CACNA2D3: variants seen among roughly 807,000 people sequenced by gnomAD.
CACNA2D3 encodes the protein voltage-dependent calcium channel subunit alpha-2/delta-3.
In CACNA2D3, 60 loss-of-function variants were observed where a neutral mutation model predicts 160.6. The observed-to-expected ratio is 0.37, with a 90% CI of 0.30 to 0.46. CACNA2D3 has a LOEUF of 0.46. Among genes scored for constraint, CACNA2D3 ranks in the 20% least tolerant of loss-of-function variants. The pLI is 1.00. For synonymous variants in CACNA2D3, 558 were observed against 492.9 expected (o/e 1.13, Z -1.75); for missense variants, 1,205 against 1,365.0 (o/e 0.88, Z 1.85).
chr3:54,602,774 T>G (rs1461930440), intron 9 of CACNA2D3, among the ~76,000 whole-genome samples: 3 of 152,182 alleles, frequency 2.0e-5, no homozygotes, highest in Admixed American at 1.3e-4. Flanking sequence ...AGACTGAATT[T>G]TAGGGCAGCC....
intron 35 of CACNA2D3, among the ~76,000 whole-genome samples, chr3:55,037,220 C>G (rs1703840925): frequency 6.6e-6 from 1 of 152,202 alleles, no homozygotes; most frequent in African/African-American, 2.4e-5. Context: ...TTGCACTCCT[C>G]CCTCTCCAGA....
chr3:54,938,422 G>A (rs1009864204), intron 27 of CACNA2D3, among the ~76,000 whole-genome samples: 3 of 152,192 alleles, frequency 2.0e-5, no homozygotes, highest in Non-Finnish European at 4.4e-5. Flanking sequence ...GCTTGAAGCA[G>A]ACAGTATTAG....
intron 9 of CACNA2D3, among the ~76,000 whole-genome samples, chr3:54,584,093 C>T (rs564420958): frequency 5.5e-4 from 83 of 151,978 alleles, no homozygotes; most frequent in African/African-American, 1.4e-3. Context: ...CTTCTCCTAC[C>T]GAGAATGACT....
intron 5 of CACNA2D3, among the ~76,000 whole-genome samples, chr3:54,526,183 A>G (rs1033205013): frequency 5.9e-5 from 9 of 151,754 alleles, no homozygotes; most frequent in African/African-American, 1.5e-4. Flanking sequence ...TATAATTTCT[A>G]TCTTTTTATT....
intron 2 of CACNA2D3, among the ~76,000 whole-genome samples, chr3:54,138,965 G>C (rs1393500716): frequency 6.6e-6 from 1 of 152,204 alleles, no homozygotes; most frequent in Non-Finnish European, 1.5e-5. Flanking sequence ...GGATGTGGTT[G>C]GACCAGAGAG....
intron 2 of CACNA2D3, among the ~76,000 whole-genome samples, chr3:54,245,848 TAA>T (rs1432326549): frequency 6.6e-6 from 1 of 152,220 alleles, no homozygotes; most frequent in East Asian, 1.9e-4. Flanking sequence ...TGATTACTTT[TAA>T]AAGAGTGTAT....
intron 14 of CACNA2D3, among the ~76,000 whole-genome samples, chr3:54,821,922 G>T (rs1703613085): frequency 6.6e-6 from 1 of 152,066 alleles, no homozygotes; most frequent in South Asian, 2.1e-4. Flanking sequence ...TTGAAAGTTT[G>T]CAAAGCTGCT....
intron 8 of CACNA2D3, among the ~76,000 whole-genome samples, chr3:54,573,587 C>T (rs190642020): frequency 3.3e-5 from 5 of 152,278 alleles, no homozygotes; most frequent in African/African-American, 7.2e-5. Context: ...GAGTGCAGTG[C>T]GTACAGTGCA....
At chr3:54,282,000 G>A (rs1269612990) in intron 2 of CACNA2D3, among the ~76,000 whole-genome samples, 2 of 152,204 alleles carry the variant, frequency 1.3e-5, no homozygotes, top group African/African-American at 2.4e-5. Context: ...TATTGCTTAA[G>A]TGGTCTCAGC....
chr3:54,255,004 C>G (rs78667018), intron 2 of CACNA2D3, among the ~76,000 whole-genome samples: 3,678 of 152,316 alleles, frequency 0.024, 111 homozygotes, highest in African/African-American at 0.072. Context: ...TCCTGAATCT[C>G]TCCATCAGTG....
intron 27 of CACNA2D3, among the ~76,000 whole-genome samples, chr3:54,900,923 T>G (rs1464222177): frequency 6.6e-6 from 1 of 152,224 alleles, no homozygotes; most frequent in Non-Finnish European, 1.5e-5. Context: ...TTGCCCTGGT[T>G]ATTCCTGAGT....
At chr3:54,288,891 A>G (rs1357385787) in intron 2 of CACNA2D3, among the ~76,000 whole-genome samples, 1 of 152,140 alleles carries the variant, frequency 6.6e-6, no homozygotes, top group Non-Finnish European at 1.5e-5. Flanking sequence ...CTAAAAACTC[A>G]AGAAATTAGG....
chr3:55,069,584 C>G (rs1704753364), intron 35 of CACNA2D3, among the ~76,000 whole-genome samples: 1 of 152,176 alleles, frequency 6.6e-6, no homozygotes, highest in Non-Finnish European at 1.5e-5. Flanking sequence ...GATTATGTAA[C>G]TAGCCAGCTT....
intron 3 of CACNA2D3, among the ~76,000 whole-genome samples, 165 bp from the exon 4 acceptor site, chr3:54,386,550 G>A (rs887594893): frequency 6.6e-6 from 1 of 152,198 alleles, no homozygotes; most frequent in Non-Finnish European, 1.5e-5. Context: ...CAGAAACCCA[G>A]TGTTGACACT....
At chr3:54,400,835 T>C (rs960850399) in intron 4 of CACNA2D3, among the ~76,000 whole-genome samples, 3 of 152,020 alleles carry the variant, frequency 2.0e-5, no homozygotes, top group African/African-American at 7.3e-5. Flanking sequence ...ACAAGAAACA[T>C]GAAAAAGCAA....
chr3:54,966,338 C>T (rs995117779), intron 27 of CACNA2D3, among the ~76,000 whole-genome samples: 3 of 152,154 alleles, frequency 2.0e-5, no homozygotes, highest in Non-Finnish European at 4.4e-5. Flanking sequence ...GAAATGCAGT[C>T]AACTACCATC....
chr3:54,411,594 T>A (rs1699669015), intron 4 of CACNA2D3, among the ~76,000 whole-genome samples: 1 of 152,212 alleles, frequency 6.6e-6, no homozygotes, highest in Non-Finnish European at 1.5e-5. Context: ...ATAATGCTAT[T>A]GCACACTTAA....
intron 2 of CACNA2D3, among the ~76,000 whole-genome samples, chr3:54,257,346 A>G (rs909250333): frequency 1.3e-5 from 2 of 152,240 alleles, no homozygotes; most frequent in Non-Finnish European, 2.9e-5. Flanking sequence ...CAGGATGACA[A>G]GCGTGAAATT....
chr3:54,169,175 A>G (rs1247456309), intron 2 of CACNA2D3, among the ~76,000 whole-genome samples: 5 of 152,188 alleles, frequency 3.3e-5, no homozygotes, highest in African/African-American at 1.2e-4. Flanking sequence ...ACAGAACAAA[A>G]CAAACAAGCA....
Sources: allele counts gnomAD v4.1 joint callset (sites outside exome capture counted in the v4.1 genomes callset), GRCh38; gene constraint gnomAD v4.1.1; transcripts MANE v1.5; gene names NCBI Gene and HGNC (gene_info 2026-07-23, HGNC 2026-07-21).